The following CCDC171 variants were observed in gnomAD, a reference collection of about 807,000 sequenced individuals.
CCDC171 encodes the protein coiled-coil domain containing 171, also known as coiled-coil domain-containing protein 171.
CCDC171 carries 177 observed loss-of-function variants against 168.2 expected under a neutral mutation model. That is an observed-to-expected ratio of 1.05 (90% confidence interval 0.93 to 1.19). The LOEUF is 1.19. Ranked by LOEUF, CCDC171 falls within the 50% of genes most tolerant of loss-of-function variation. The probability of loss-of-function intolerance (pLI) is 0.00; values close to 1 mark genes in which losing one functional copy is unlikely to be tolerated. For synonymous variants in CCDC171, 687 were observed against 540.8 expected (o/e 1.27, Z -3.75); for missense variants, 1,991 against 1,539.0 (o/e 1.29, Z -4.91).
chr9:15,822,814 A>T (rs948199222), intron 21 of CCDC171, among the ~76,000 whole-genome samples: 3 of 152,152 alleles, frequency 2.0e-5, no homozygotes, highest in Admixed American at 6.5e-5. Context: ...ATGCCATTTT[A>T]CCCAGCCATC....
chr9:15,554,588 C>G (rs995252066), intron 1 of CCDC171, among the ~76,000 whole-genome samples: 3 of 152,126 alleles, frequency 2.0e-5, no homozygotes, highest in Non-Finnish European at 4.4e-5. Context: ...GACTTAGTCT[C>G]TAAAGTCTCA....
At chr9:16,058,050 A>C (rs1034023355) in intron 1 of CCDC171, among the ~76,000 whole-genome samples, 1 of 149,734 alleles carries the variant, frequency 6.7e-6, no homozygotes, top group Non-Finnish European at 1.5e-5. Context: ...TTGAAAAAAA[A>C]AAAATAATAA....
chr9:15,709,336 C>G (rs1303674753), intron 11 of CCDC171, among the ~76,000 whole-genome samples: 1 of 151,988 alleles, frequency 6.6e-6, no homozygotes, highest in Non-Finnish European at 1.5e-5. Flanking sequence ...ATTAGAAAAT[C>G]TACAGTCTAC....
rs533747491 is a variant in CCDC171 at position 15,799,752 on chromosome 9, C to T, written c.3267+15058C>T. 9.2e-5 allele frequency among the ~76,000 whole-genome samples: 14 copies of T among 152,108 alleles called. No homozygotes were observed. The East Asian group carries it at 1.3e-3, about 15-fold the overall frequency. Reference sequence around the variant, plus strand: ...TTTTTTTTGCACCCATTAACCATCCCGACCTTCCCACACATTCCCCACTAC... The same window carrying T: ...TTTTTTTTGCACCCATTAACCATCCTGACCTTCCCACACATTCCCCACTAC... On this transcript the variant is annotated intron_variant, in intron 21 of 25. Transcript: ENST00000380701.
chr9:16,102,455 A>G, the CCDC171 span, among the ~76,000 whole-genome samples: 32,085 of 136,424 alleles, frequency 0.24, 3,844 homozygotes, highest in African/African-American at 0.33. Flanking sequence ...AGCTGTAGAA[A>G]CAGATGCATT....
intron 3 of CCDC171, among the ~76,000 whole-genome samples, chr9:15,575,687 A>G (rs572601545): frequency 2.0e-5 from 3 of 152,298 alleles, no homozygotes; most frequent in South Asian, 2.1e-4. Flanking sequence ...CATTTCCTTC[A>G]GTTCTGAAAG....
chr9:16,074,173 A>G, the CCDC171 span, among the ~76,000 whole-genome samples: 5 of 152,242 alleles, frequency 3.3e-5, no homozygotes, highest in East Asian at 9.6e-4. Context: ...CTTCAATTAC[A>G]TTCTTTGGCC....
At chr9:15,704,624 C>G (rs1407574265) in intron 11 of CCDC171, among the ~76,000 whole-genome samples, 1 of 152,142 alleles carries the variant, frequency 6.6e-6, no homozygotes, top group Non-Finnish European at 1.5e-5. Context: ...TTGAATTAAT[C>G]TTAACTTAGA....
At chr9:15,691,514 A>C (rs147320801) in intron 10 of CCDC171, among the ~76,000 whole-genome samples, 79 of 130,796 alleles carry the variant, frequency 6.0e-4, no homozygotes, top group African/African-American at 2.1e-3. Flanking sequence ...TTAAATATTT[A>C]ATGATTAAAA....
intron 20 of CCDC171, among the ~76,000 whole-genome samples, chr9:15,779,796 G>C (rs2057563125): frequency 6.6e-6 from 1 of 152,180 alleles, no homozygotes; most frequent in Admixed American, 6.5e-5. Flanking sequence ...GCAGAAAATA[G>C]CTGAAAAAGC....
chr9:15,578,690 G>C (rs1398522610), intron 3 of CCDC171, among the ~76,000 whole-genome samples, 159 bp from the exon 4 acceptor site: 1 of 151,406 alleles, frequency 6.6e-6, no homozygotes, highest in African/African-American at 2.4e-5. Context: ...GTGTCATTTT[G>C]TAAGGTAGTG....
intron 3 of CCDC171, among the ~76,000 whole-genome samples, chr9:15,980,646 G>A (rs1185363588): frequency 2.0e-5 from 3 of 151,968 alleles, no homozygotes; most frequent in African/African-American, 7.3e-5. Flanking sequence ...ATAGAAGAAG[G>A]TCCTTGGCAT....
chr9:15,908,944 G>C (rs1397013802), intron 24 of CCDC171, among the ~76,000 whole-genome samples: 4 of 152,106 alleles, frequency 2.6e-5, no homozygotes, highest in Non-Finnish European at 4.4e-5. Context: ...ATGAGACTTG[G>C]GTGGGGACAT....
chr9:15,996,135 C>T (rs1249640791), intron 3 of CCDC171, among the ~76,000 whole-genome samples: 2 of 152,142 alleles, frequency 1.3e-5, no homozygotes, highest in Non-Finnish European at 2.9e-5. Flanking sequence ...TCCTCTTTTT[C>T]TTATTACTTT....
chr9:15,953,131 G>A (rs1829399086), intron 25 of CCDC171, among the ~76,000 whole-genome samples: 1 of 152,158 alleles, frequency 6.6e-6, no homozygotes, highest in African/African-American at 2.4e-5. Flanking sequence ...TGCAAAGAAA[G>A]ATAATTTCAC....
At chr9:15,699,408 T>C (rs1312515915) in intron 11 of CCDC171, among the ~76,000 whole-genome samples, 1 of 152,152 alleles carries the variant, frequency 6.6e-6, no homozygotes, top group Non-Finnish European at 1.5e-5. Flanking sequence ...GCTTCCACAG[T>C]GTGGAAGGGG....
chr9:15,780,677 G>A (rs1416705733), intron 20 of CCDC171, among the ~76,000 whole-genome samples: 4 of 152,096 alleles, frequency 2.6e-5, no homozygotes, highest in Non-Finnish European at 5.9e-5. Context: ...TTGTAGTTTG[G>A]AATAATTTTG....
intron 24 of CCDC171, among the ~76,000 whole-genome samples, chr9:15,905,520 G>A (rs1425568548): frequency 1.3e-5 from 2 of 152,024 alleles, no homozygotes; most frequent in Non-Finnish European, 2.9e-5. Flanking sequence ...CACATTCAAA[G>A]CAGTGTGTAG....
At chr9:15,576,372 G>A (rs916141561) in intron 3 of CCDC171, among the ~76,000 whole-genome samples, 1 of 151,920 alleles carries the variant, frequency 6.6e-6, no homozygotes, top group Non-Finnish European at 1.5e-5. Context: ...ATTATTTGTA[G>A]ACATGGGGTC....
Sources: gnomAD v4.1 joint callset for allele counts (sites outside exome capture counted in the v4.1 genomes callset) on GRCh38, gnomAD v4.1.1 for gene constraint, MANE v1.5 for transcripts, NCBI Gene and HGNC (gene_info 2026-07-23, HGNC 2026-07-21) for gene names.